MBOAT7: variants seen among roughly 807,000 people sequenced by gnomAD.
MBOAT7 encodes membrane bound acylglycerophosphatidylinositol O-acyltransferase MBOAT7, also known as membrane-bound acylglycerophosphatidylinositol O-acyltransferase MBOAT7.
MBOAT7 carries 40 observed loss-of-function variants against 47.4 expected under a neutral mutation model. The observed-to-expected ratio is 0.84, with a 90% CI of 0.66 to 1.10. MBOAT7 has a LOEUF of 1.10. Ranked by LOEUF, MBOAT7 falls within the 50% of genes least tolerant of loss-of-function variation. The pLI is 0.00. For synonymous variants in MBOAT7, 361 were observed against 292.0 expected, an observed-to-expected ratio of 1.24 and a Z score of -2.41; for missense variants, 680 against 655.6, an observed-to-expected ratio of 1.04 and a Z score of -0.41.
intron 7 of MBOAT7, 66 bp downstream of exon 7, chr19:54,178,699 C>T (rs2076178373): frequency 6.3e-7 from 1 of 1,575,364 alleles, no homozygotes; most frequent in African/African-American, 1.3e-5. Flanking sequence ...ACGCTGCAGG[C>T]TACCCTGGGG....
In MBOAT7 at chr19:54,188,433, C is replaced by G; in HGVS notation, c.76G>C (p.Gly26Arg). The change falls in exon 2 of 8, where the codon GGT (glycine) becomes CGT (arginine). Residue 26 changes from glycine (G) to arginine (R), a missense_variant and splice_region_variant. Coordinates refer to ENST00000245615, the MANE Select transcript of MBOAT7 (RefSeq NM_024298.5). ...IPIGFLFKKA[G>R]PGLKRWGAAA... ...CCACTGGGGAGGGAGCCTGACTCAC[C>G]GGCTTTCTTAAAGAGGAAGCCGATG... 1.9e-6 allele frequency: 3 copies of G among 1,563,522 alleles called. No individual in the cohort carries two copies. Among genetic ancestry groups the G allele is most frequent in the South Asian group, 1.2e-5 (1 of 86,198 alleles).
At chr19:54,176,156 C>T (rs879782806) in intron 7 of MBOAT7, among the ~76,000 whole-genome samples, 21 of 151,550 alleles carry the variant, frequency 1.4e-4, no homozygotes, top group Non-Finnish European at 2.8e-4. Context: ...CGCCCAGCCT[C>T]TTTTTTTTTC....
chr19:54,186,564 G>A (rs2076432621), intron 4 of MBOAT7, among the ~76,000 whole-genome samples: 1 of 152,106 alleles, frequency 6.6e-6, no homozygotes, highest in African/African-American at 2.4e-5. Flanking sequence ...GGCCTGAAAT[G>A]CTCCTCCACG....
chr19:54,187,443 G>A, intron 3 of MBOAT7, 156 bp from the exon 4 acceptor site: 2 of 857,438 alleles, frequency 2.3e-6, no homozygotes, highest in Non-Finnish European at 3.5e-6. Context: ...TGGATGTAGG[G>A]ACCGAATGAG....
In MBOAT7 at chr19:54,188,453, C is replaced by T; in HGVS notation, c.56G>A (p.Gly19Asp). 1.9e-6 allele frequency: 3 copies of T among 1,558,708 alleles called. No individual in the cohort carries two copies. Among genetic ancestry groups the T allele is most frequent in the Non-Finnish European group, 2.6e-6 (3 of 1,150,336 alleles). ...LVVLLISIPI[G>D]FLFKKAGPGL... ...CTCACCGGCTTTCTTAAAGAGGAAGCCGATGGGGATGGAGATAAGAAGAAC... is the reference window on the plus strand; with the variant it reads ...CTCACCGGCTTTCTTAAAGAGGAAGTCGATGGGGATGGAGATAAGAAGAAC... The change falls in exon 2 of 8, where the codon GGC becomes GAC. Residue 19 changes from glycine to aspartate, a missense_variant. By Grantham distance (94) the Gly-to-Asp change is moderately conservative. Coordinates refer to ENST00000245615, the MANE Select transcript of MBOAT7 (RefSeq NM_024298.5).
intron 5 of MBOAT7, among the ~76,000 whole-genome samples, chr19:54,182,136 C>G (rs562731941): frequency 1.0e-3 from 153 of 152,026 alleles, no homozygotes; most frequent in Middle Eastern, 3.4e-3. Flanking sequence ...TGATGGTGGT[C>G]TGGCCTAGGG....
rs938074510 is a variant in MBOAT7, at chr19:54,173,861, C to T, written c.*183G>A. 2.5e-5 allele frequency: 16 copies of T among 652,648 alleles called. No individual in the cohort carries two copies. In the African/African-American group the frequency reaches 2.7e-4, roughly 11 times the overall value. 40.4% of individuals were successfully genotyped at this position (652,648 alleles called of 1,614,324 possible). On this transcript the variant is annotated 3_prime_UTR_variant, in exon 8 of 8. Coordinates refer to ENST00000245615, the MANE Select transcript of MBOAT7 (RefSeq NM_024298.5). ...TTGATTTTGTAGGAGTGGAGGTGGC[C>T]TCTGGGCAGAGGGCAGGGAGGACAC...
At chr19:54,176,328 T>G (rs972119926) in intron 7 of MBOAT7, among the ~76,000 whole-genome samples, 4 of 152,164 alleles carry the variant, frequency 2.6e-5, no homozygotes, top group African/African-American at 9.6e-5. Context: ...ATTGGCTTTC[T>G]GGTTCTTCAA....
At position 54,180,832 on chromosome 19, in the gene MBOAT7, G is replaced by T; in HGVS notation, c.795C>A (p.Pro265=). ...CTCCGGCCCGGGCTTTGGCGGCCAC[G>T]GGGTAGGCCCCAAAGCCGGCGGCAA... ...GCIAAGFGAY[P]VAAKARAGGG... Residue 265 remains proline, a synonymous_variant, in exon 6 of 8, where the codon CCC becomes CCA. Transcript: ENST00000245615. The surrounding 1 kb of genome is among the most constrained non-coding windows in gnomAD (Gnocchi z 5.2). 1.3e-6 allele frequency: 2 copies of T among 1,573,264 alleles called. No individual in the cohort carries two copies. The highest frequency in any genetic ancestry group is 2.3e-5 in the East Asian group (1 of 43,452).
intron 7 of MBOAT7, among the ~76,000 whole-genome samples, chr19:54,175,152 C>T (rs543376663): frequency 6.6e-6 from 1 of 151,934 alleles, no homozygotes; most frequent in Non-Finnish European, 1.5e-5. Context: ...ATTTTCTTTT[C>T]TATTTTTAGT....
In MBOAT7 at chr19:54,174,364, G is replaced by A; in HGVS notation, c.1099C>T (p.Leu367=). ...GLHPGYYLSF[L]TIPLCLAAEG... is the part of the protein sequence containing the mutation. The stretch of plus-strand genomic sequence containing the variant: ...GCAGCCAGGCACAGCGGGATGGTCA[G>A]GAAGCTCAGGTAGTAGCCCGGGTGG... The change falls in exon 8 of 8, where the codon CTG becomes TTG. Residue 367 remains leucine (L), a synonymous_variant. Transcript: ENST00000245615. The A allele has an allele frequency of 3.1e-6, 5 of 1,611,752 alleles. No individual in the cohort carries two copies. Among genetic ancestry groups the A allele is most frequent in the Admixed American group, 1.7e-5 (1 of 59,640 alleles).
Position 54,188,476 on chromosome 19 carries a change from AAC to A in MBOAT7, c.31_32del (p.Val11SerfsTer12). 2.6e-6 allele frequency: 4 copies of A among 1,555,248 alleles called. No homozygotes were observed. The highest frequency in any genetic ancestry group is 3.5e-6 in the Non-Finnish European group (4 of 1,148,590). On this transcript the variant is annotated frameshift_variant, in exon 2 of 8. Coordinates refer to ENST00000245615, the MANE Select transcript of MBOAT7 (RefSeq NM_024298.5). LOFTEE classifies it high-confidence loss of function. ...AGCCGATGGGGATGGAGATAAGAAG[AAC>A]CACTAGATACGTCCATTCTTCAGGC... is the stretch of plus-strand genomic sequence containing the variant. Reference protein sequence around the residue: MSPEEWTYLVVLLISIPIGFL... With the variant: MSPEEWTYLVXLLISIPIGFL...
At chr19:54,182,523 AAAG>A (rs950451682) in intron 5 of MBOAT7, among the ~76,000 whole-genome samples, 8 of 150,608 alleles carry the variant, frequency 5.3e-5, no homozygotes, top group African/African-American at 9.8e-5. Flanking sequence ...TCAGGAAATT[AAAG>A]AAGCCAAGAG....
chr19:54,178,239 AAC>A (rs1238782215), intron 7 of MBOAT7: 1 of 991,850 alleles, frequency 1.0e-6, no homozygotes, highest in African/African-American at 1.7e-5. Flanking sequence ...CTGCACAGAT[AAC>A]AGTGTCAAGC....
chr19:54,179,267 A>T (rs1600645815), intron 6 of MBOAT7: 2 of 410,566 alleles, frequency 4.9e-6, no homozygotes, highest in East Asian at 7.9e-5. Context: ...AGCTCAGTAT[A>T]TTCAGAGAAG....
Position 54,180,882 on chromosome 19 carries a change from A to G in MBOAT7, c.745T>C (p.Trp249Arg), listed in dbSNP as rs1425898672. The G allele has an allele frequency of 1.9e-6, 3 of 1,594,772 alleles. No individual in the cohort carries two copies. The African/African-American group carries it at 4.0e-5, about 21-fold the overall frequency. ...FAFRMRFYVA[W>R]IAAECGCIAA... Reference sequence around the variant, plus strand: ...ATGCAGCCGCACTCGGCGGCAATCCAGGCCACGTAGAAGCGCATGCGGAAG... The same window carrying G: ...ATGCAGCCGCACTCGGCGGCAATCCGGGCCACGTAGAAGCGCATGCGGAAG... Residue 249 changes from tryptophan (W) to arginine (R), a missense_variant, in exon 6 of 8, where the codon TGG (tryptophan) becomes CGG (arginine). Physicochemically the swap from Trp to Arg is moderately radical, Grantham distance 101. Transcript: ENST00000245615. The surrounding 1 kb of genome is among the most constrained non-coding windows in gnomAD (Gnocchi z 5.2).
intron 7 of MBOAT7, among the ~76,000 whole-genome samples, chr19:54,177,151 A>AAATACTAATACT (rs71195744): frequency 0.27 from 39,555 of 145,914 alleles, 5,596 homozygotes; most frequent in Middle Eastern, 0.36. Context: ...CAGAGCATCA[A>AAATACTAATACT]AATACTAATA....
At position 54,173,470 on chromosome 19, in the gene MBOAT7, A is replaced by T. The variant is rs1380796299; in HGVS notation, c.*574T>A. 2 of 210,890 alleles carry T rather than the reference A, an allele frequency of 9.5e-6. No individual in the cohort carries two copies. Among genetic ancestry groups the T allele is most frequent in the African/African-American group, 4.6e-5 (2 of 43,116 alleles). The allele number at this position is 210,890 out of a possible 1,614,324, so 13.1% of individuals were successfully genotyped here. ...ACACACGGTGACCTGTCATAGGCCAAGCGATGAGAAGAGGGCGCCAGGAGT... is the reference window on the plus strand; with the variant it reads ...ACACACGGTGACCTGTCATAGGCCATGCGATGAGAAGAGGGCGCCAGGAGT... On this transcript the variant is annotated 3_prime_UTR_variant, in exon 8 of 8. Transcript: ENST00000245615.
chr19:54,177,053 G>A (rs1055743554), intron 7 of MBOAT7, among the ~76,000 whole-genome samples: 6 of 151,716 alleles, frequency 4.0e-5, no homozygotes, highest in African/African-American at 7.3e-5. Context: ...GAAACCCTGC[G>A]TCTACTCTTG....
Sources: allele counts gnomAD v4.1 joint callset (sites outside exome capture counted in the v4.1 genomes callset), GRCh38; gene constraint gnomAD v4.1.1; non-coding constraint Gnocchi (gnomAD v3.1); transcripts MANE v1.5; gene names NCBI Gene and HGNC (gene_info 2026-07-23, HGNC 2026-07-21).